The following JADE1 variants were observed in gnomAD, a reference collection of about 807,000 sequenced individuals.
The protein encoded by JADE1 is jade family PHD finger 1.
A neutral mutation model predicts 81.8 loss-of-function variants in JADE1; 14 were observed. That is an observed-to-expected ratio of 0.17 (90% CI 0.11 to 0.27). The LOEUF (loss-of-function observed/expected upper bound fraction) is 0.27, where lower values mean the gene tolerates loss of function less well. Among genes scored for constraint, JADE1 ranks in the 10% least tolerant of loss-of-function variants. The pLI, the probability that JADE1 is intolerant of heterozygous loss-of-function variation, is 1.00. For missense variants in JADE1, 690 were observed against 1,047.9 expected (o/e 0.66, Z 4.71); for synonymous variants, 353 against 391.9 (o/e 0.90, Z 1.17).
intron 1 of JADE1, among the ~76,000 whole-genome samples, chr4:128,821,203 A>G (rs901441730): frequency 6.6e-6 from 1 of 152,248 alleles, no homozygotes; most frequent in African/African-American, 2.4e-5. Flanking sequence ...TATTCTGAAG[A>G]GATTAATCTG....
At chr4:128,835,849 AC>A (rs1728937925) in intron 2 of JADE1, among the ~76,000 whole-genome samples, 1 of 152,176 alleles carries the variant, frequency 6.6e-6, no homozygotes, top group Non-Finnish European at 1.5e-5. Context: ...CCAGAGGAAT[AC>A]CAGTGTGGTA....
intron 2 of JADE1, among the ~76,000 whole-genome samples, chr4:128,838,429 A>G (rs1015133943): frequency 6.6e-6 from 1 of 152,356 alleles, no homozygotes; most frequent in East Asian, 1.9e-4. Flanking sequence ...TAGAGTTCCT[A>G]ACTCCTTTCC....
At chr4:128,863,164 C>G (rs938167160) in intron 9 of JADE1, 1 of 985,516 alleles carries the variant, frequency 1.0e-6, no homozygotes, top group African/African-American at 1.7e-5. Context: ...TCTGGAGTCC[C>G]GTCTGGACGT....
intron 7 of JADE1, among the ~76,000 whole-genome samples, chr4:128,857,066 T>C (rs1348639611): frequency 6.6e-6 from 1 of 152,208 alleles, no homozygotes; most frequent in Middle Eastern, 3.2e-3. Context: ...CATGACTCTT[T>C]GTCATCAGAC....
Position 128,872,793 on chromosome 4 carries a change from A to G in JADE1, c.*531A>G. On this transcript the variant is annotated 3_prime_UTR_variant, in exon 11 of 11. Coordinates refer to ENST00000226319, the MANE Select transcript of JADE1 (RefSeq NM_199320.4). ...TAGGCAGCAGCTCTGAAGCTTCAGTAACACTAAGAAATTTATGTGTAAATA... is the reference window on the plus strand; with the variant it reads ...TAGGCAGCAGCTCTGAAGCTTCAGTGACACTAAGAAATTTATGTGTAAATA... 1 of 394,832 alleles carries G rather than the reference A, an allele frequency of 2.5e-6. No individual in the cohort carries two copies. 24.5% of individuals were successfully genotyped at this position (394,832 alleles called of 1,614,324 possible).
chr4:128,851,147 T>C (rs1294114370), intron 5 of JADE1, among the ~76,000 whole-genome samples: 1 of 152,216 alleles, frequency 6.6e-6, no homozygotes, highest in Non-Finnish European at 1.5e-5. Context: ...GCCAGGTTGG[T>C]CGTGAACTCC....
Position 128,873,256 on chromosome 4 carries a change from G to GAAAAAAAAAAAAAAAAGAAAAAAAGA in JADE1, c.*1004_*1029dup, listed in dbSNP as rs1732328176. ...CATGAATGGATTCCTTAAGAAAAAG[G>GAAAAAAAAAAAAAAAAGAAAAAAAGA]AAAAAAAAAAAAAAAAGAAAAAAAG... On this transcript the variant is annotated 3_prime_UTR_variant, in exon 11 of 11. Coordinates refer to ENST00000226319, the MANE Select transcript of JADE1 (RefSeq NM_199320.4). 3.5e-5 allele frequency: 1 copy of GAAAAAAAAAAAAAAAAGAAAAAAAGA among 28,646 alleles called. No individual in the cohort carries two copies. Among genetic ancestry groups the GAAAAAAAAAAAAAAAAGAAAAAAAGA allele is most frequent in the Non-Finnish European group, 7.4e-5 (1 of 13,468 alleles). The allele number at this position is 28,646 out of a possible 1,614,324, so 1.8% of individuals were successfully genotyped here.
rs748216748 is a variant in JADE1, at chr4:128,872,268, C to T, written c.*6C>T. On this transcript the variant is annotated 3_prime_UTR_variant, in exon 11 of 11. Coordinates refer to ENST00000226319, the MANE Select transcript of JADE1 (RefSeq NM_199320.4). Reference sequence around the variant, plus strand: ...GAAGCATCTTGGCTTCTTGATGCAACAGAGATGATGCGGAAGCCCTTTGGG... The same window carrying T: ...GAAGCATCTTGGCTTCTTGATGCAATAGAGATGATGCGGAAGCCCTTTGGG... 6.2e-7 allele frequency: 1 copy of T among 1,611,288 alleles called. No individual in the cohort carries two copies. Among genetic ancestry groups the T allele is most frequent in the South Asian group, 1.1e-5 (1 of 90,924 alleles).
At chr4:128,812,328 A>AGG (rs1426329077) in intron 1 of JADE1, among the ~76,000 whole-genome samples, 2 of 148,820 alleles carry the variant, frequency 1.3e-5, no homozygotes, top group Non-Finnish European at 3.0e-5. Flanking sequence ...ATTGGGAGAG[A>AGG]GGGAGGGGTC....
rs532695228 is a variant in JADE1 at position 128,870,914 on chromosome 4, C to T, written c.1622-441C>T. Among the ~76,000 whole-genome samples, 121 of 152,264 alleles carry T rather than the reference C, an allele frequency of 7.9e-4. No homozygotes were observed. The South Asian group carries it at 0.012, about 15-fold the overall frequency. On this transcript the variant is annotated intron_variant, in intron 10 of 10. Transcript: ENST00000226319. ...GACACATAGAGAAACTTACAAGCCC[C>T]GAGCCCTGCTTTTTGGGTCCTCTCA... is the stretch of plus-strand genomic sequence containing the variant.
chr4:128,853,542 T>C (rs1411330938), intron 6 of JADE1, among the ~76,000 whole-genome samples: 1 of 152,204 alleles, frequency 6.6e-6, no homozygotes, highest in Non-Finnish European at 1.5e-5. Flanking sequence ...AAAAAGTTTA[T>C]GACAATCTCA....
At chr4:128,858,883 C>T (rs1005749757) in intron 8 of JADE1, among the ~76,000 whole-genome samples, 5 of 152,196 alleles carry the variant, frequency 3.3e-5, no homozygotes, top group African/African-American at 9.6e-5. Flanking sequence ...GCTGGGATTA[C>T]AGGCTTGAGC....
At chr4:128,827,002 C>G (rs951247183) in intron 1 of JADE1, among the ~76,000 whole-genome samples, 2 of 152,186 alleles carry the variant, frequency 1.3e-5, no homozygotes, top group African/African-American at 4.8e-5. Flanking sequence ...CTATCTTATC[C>G]TGGCCTGTCT....
chr4:128,837,478 C>T (rs1272392653), intron 2 of JADE1, among the ~76,000 whole-genome samples: 2 of 152,242 alleles, frequency 1.3e-5, no homozygotes, highest in Admixed American at 6.5e-5. Flanking sequence ...AGCTGGGCTA[C>T]GCTGGGGTAA....
At chr4:128,832,224 GTACAGGT>G (rs1728618155) in intron 2 of JADE1, among the ~76,000 whole-genome samples, 1 of 152,234 alleles carries the variant, frequency 6.6e-6, no homozygotes, top group African/African-American at 2.4e-5. Flanking sequence ...AAATTATTAA[GTACAGGT>G]TCTTAATAGG....
intron 1 of JADE1, among the ~76,000 whole-genome samples, chr4:128,829,181 G>A (rs1228723829): frequency 1.3e-5 from 2 of 152,202 alleles, no homozygotes; most frequent in Admixed American, 1.3e-4. Flanking sequence ...GTGTTTCTTG[G>A]TTATGGAACC....
At chr4:128,854,100 AT>A (rs964851812) in intron 6 of JADE1, among the ~76,000 whole-genome samples, 3 of 151,568 alleles carry the variant, frequency 2.0e-5, no homozygotes, top group Non-Finnish European at 4.4e-5. Flanking sequence ...CCCATGAAAA[AT>A]TTTTTTGAGT....
At chr4:128,842,580 G>A (rs1298191602) in intron 2 of JADE1, among the ~76,000 whole-genome samples, 1 of 152,194 alleles carries the variant, frequency 6.6e-6, no homozygotes, top group Non-Finnish European at 1.5e-5. Context: ...GATTACAGGC[G>A]TGAGCCGCCA....
At chr4:128,816,575 T>C (rs899441067) in intron 1 of JADE1, 8 of 152,194 alleles carry the variant, frequency 5.3e-5, no homozygotes, top group Admixed American at 2.6e-4. Flanking sequence ...TAAGGATCCT[T>C]TCCTCACCTC....
Sources: gnomAD v4.1 joint callset for allele counts (sites outside exome capture counted in the v4.1 genomes callset) on GRCh38, gnomAD v4.1.1 for gene constraint, MANE v1.5 for transcripts, NCBI Gene and HGNC (gene_info 2026-07-23, HGNC 2026-07-21) for gene names.